The following NOP14 variants were observed in gnomAD, a reference collection of about 807,000 sequenced individuals.
NOP14 encodes the protein NOP14 nucleolar protein, also known as nucleolar protein 14.
In NOP14, 57 loss-of-function variants were observed where a neutral mutation model predicts 101.6. The observed-to-expected ratio is 0.56, with a 90% CI of 0.45 to 0.70. NOP14 has a LOEUF of 0.70. NOP14 is among the 30% of genes least tolerant of loss of function. The probability of loss-of-function intolerance (pLI) is 0.00; values close to 1 mark genes in which losing one functional copy is unlikely to be tolerated. For synonymous variants in NOP14, 428 were observed against 424.0 expected (o/e 1.01, Z -0.12); for missense variants, 1,134 against 1,075.5 (o/e 1.05, Z -0.76).
rs926374357 is a variant in NOP14, at chr4:2,943,975, A to G, written c.1891+98T>C. 5 of 992,822 alleles carry G rather than the reference A, an allele frequency of 5.0e-6. No individual in the cohort carries two copies. The African/African-American group carries it at 6.5e-5, about 13-fold the overall frequency. 61.5% of individuals were successfully genotyped at this position (992,822 alleles called of 1,614,324 possible). A position where few individuals can be genotyped will look rare whatever the true frequency, so the allele number is the denominator to read the frequency against. ...GGGTGGCAGGTTGTGTGTTTCCTCTACTTTCGCATATTCTAAACTTTCTAC... is the reference window on the plus strand; with the variant it reads ...GGGTGGCAGGTTGTGTGTTTCCTCTGCTTTCGCATATTCTAAACTTTCTAC... On this transcript the variant is annotated intron_variant, in intron 13 of 17. Transcript: ENST00000416614.
chr4:2,959,971 C>CT lies in NOP14; in HGVS notation c.196-2232dup, dbSNP rs140387036. The stretch of plus-strand genomic sequence containing the variant: ...GGCTGCTTGCATGCTACACTGAGAC[C>CT]TTTTTTTTTTTTTTTAAAGATGGAA... On this transcript the variant is annotated intron_variant, in intron 1 of 17. Transcript: ENST00000416614. Among the ~76,000 whole-genome samples, 189 of 145,646 alleles carry CT rather than the reference C, an allele frequency of 1.3e-3. 1 individual carries two copies. The highest frequency in any genetic ancestry group is 3.6e-3 in the Middle Eastern group (1 of 278).
chr4:2,938,123 G>T lies in NOP14; in HGVS notation c.*708C>A. The T allele has an allele frequency of 9.0e-7, 1 of 1,114,358 alleles. No individual in the cohort carries two copies. 69.0% of individuals were successfully genotyped at this position (1,114,358 alleles called of 1,614,324 possible). A position where few individuals can be genotyped will look rare whatever the true frequency, so the allele number is the denominator to read the frequency against. On this transcript the variant is annotated 3_prime_UTR_variant, in exon 18 of 18. Coordinates refer to ENST00000416614, the MANE Select transcript of NOP14 (RefSeq NM_001291978.2). ...TCCCGATCCCAGAGGTGCATTTCAG[G>T]ATTCATTCTATTTCATCAGGTGACG...
chr4:2,947,324 A>AC (rs1323906122), intron 10 of NOP14: 1 of 588,790 alleles, frequency 1.7e-6, no homozygotes, highest in African/African-American at 1.9e-5. Flanking sequence ...TCCCAGCTCT[A>AC]CAGTGGCTGG....
At chr4:2,960,743 T>C (rs1364054912) in intron 1 of NOP14, among the ~76,000 whole-genome samples, 1 of 132,832 alleles carries the variant, frequency 7.5e-6, no homozygotes, top group Admixed American at 7.7e-5. Context: ...TATTAATATA[T>C]TAATATTATA....
At chr4:2,949,082 A>G (rs976949641) in intron 8 of NOP14, among the ~76,000 whole-genome samples, 1 of 152,240 alleles carries the variant, frequency 6.6e-6, no homozygotes, top group African/African-American at 2.4e-5. Context: ...AAGCAGTGTC[A>G]GCTCAGGAGA....
chr4:2,957,850 A>G, intron 1 of NOP14, 110 bp from the exon 2 acceptor site: 1 of 1,094,314 alleles, frequency 9.1e-7, no homozygotes, highest in African/African-American at 1.6e-5. Flanking sequence ...AGTGATGTCA[A>G]AGTTCACACC....
intron 15 of NOP14, 117 bp from the exon 16 acceptor site, chr4:2,939,762 G>A (rs1012226984): frequency 3.8e-5 from 30 of 798,816 alleles, no homozygotes; most frequent in Non-Finnish European, 6.1e-5. Context: ...GCTCCCTGCA[G>A]CAGGATGGTG....
chr4:2,942,385 T>A, intron 13 of NOP14, 34 bp from the exon 14 acceptor site: 1 of 1,596,762 alleles, frequency 6.3e-7, no homozygotes, highest in Non-Finnish European at 8.6e-7. Context: ...AGAGATGGCC[T>A]GAACATTACT....
Position 2,957,661 on chromosome 4 carries a change from T to C in NOP14, c.275A>G (p.Asn92Ser), listed in dbSNP as rs1715443141. Reference protein sequence around the residue: ...VFRDKRFGEYNSNMSPEEKMM... With the variant: ...VFRDKRFGEYSSNMSPEEKMM... ...CTTCTCCTCGGGGCTCATGTTGCTGTTGTATTCTCCGAAGCGTTTATCTCT... is the reference window on the plus strand; with the variant it reads ...CTTCTCCTCGGGGCTCATGTTGCTGCTGTATTCTCCGAAGCGTTTATCTCT... Residue 92 changes from asparagine to serine, a missense_variant, in exon 2 of 18, where the codon AAC (asparagine) becomes AGC (serine). Asn to Ser is a conservative substitution (Grantham distance 46, BLOSUM62 1). Transcript: ENST00000416614. The C allele has an allele frequency of 1.2e-6, 2 of 1,614,108 alleles. No homozygotes were observed. Among genetic ancestry groups the C allele is most frequent in the African/African-American group, 2.7e-5 (2 of 74,938 alleles).
chr4:2,939,207 G>A lies in NOP14; in HGVS notation c.2455C>T (p.Leu819Phe). 6.2e-7 allele frequency: 1 copy of A among 1,614,000 alleles called. No individual in the cohort carries two copies. The highest frequency in any genetic ancestry group is 8.5e-7 in the Non-Finnish European group (1 of 1,180,038). Residue 819 changes from leucine to phenylalanine, a missense_variant, in exon 17 of 18, where the codon CTC (leucine) becomes TTC (phenylalanine). By Grantham distance (22) the Leu-to-Phe change is conservative (BLOSUM62 0). Coordinates refer to ENST00000416614, the MANE Select transcript of NOP14 (RefSeq NM_001291978.2). ...CCTCACCGTTCCATGATTTCTGAGA[G>A]TTGCATCCTCGCCAGGAACTGATTG... ...KDNQFLARMQ[L>F]SEIMERDAER...
At chr4:2,955,776 C>T (rs1715308861) in intron 3 of NOP14, among the ~76,000 whole-genome samples, 1 of 152,258 alleles carries the variant, frequency 6.6e-6, no homozygotes, top group Admixed American at 6.5e-5. Context: ...ACTGGCCATT[C>T]TCTTCACGCC....
chr4:2,961,155 A>T (rs1715831948), intron 1 of NOP14, among the ~76,000 whole-genome samples: 1 of 86,002 alleles, frequency 1.2e-5, no homozygotes, highest in Non-Finnish European at 2.4e-5. Flanking sequence ...TAATATAATA[A>T]TATATTAATA....
At chr4:2,952,573 G>A (rs1363658023) in intron 5 of NOP14, among the ~76,000 whole-genome samples, 176 bp from the exon 6 acceptor site, 1 of 152,158 alleles carries the variant, frequency 6.6e-6, no homozygotes, top group African/African-American at 2.4e-5. Context: ...TAAGCCCTGA[G>A]GATTGCGAAA....
Position 2,945,117 on chromosome 4 carries a change from A to G in NOP14, c.1737+11T>C. 6.4e-7 allele frequency: 1 copy of G among 1,567,934 alleles called. No individual in the cohort carries two copies. The highest frequency in any genetic ancestry group is 8.7e-7 in the Non-Finnish European group (1 of 1,154,350). On this transcript the variant is annotated intron_variant, in intron 12 of 17. Coordinates refer to ENST00000416614, the MANE Select transcript of NOP14 (RefSeq NM_001291978.2). ...GCAGGCCGACCCCTGCCGCATGTGG[A>G]GAGAACGCACCTTGGTGAGCAGCTG...
In NOP14 at chr4:2,938,373, A is replaced by C. The variant is rs1441919646; in HGVS notation, c.*458T>G. 2.3e-6 allele frequency: 1 copy of C among 427,614 alleles called. No homozygotes were observed. The highest frequency in any genetic ancestry group is 4.4e-6 in the Non-Finnish European group (1 of 227,232). The allele number at this position is 427,614 out of a possible 1,614,324, so 26.5% of individuals were successfully genotyped here. On this transcript the variant is annotated 3_prime_UTR_variant, in exon 18 of 18. Coordinates refer to ENST00000416614, the MANE Select transcript of NOP14 (RefSeq NM_001291978.2). ...CCGTCTCTACTAAAAATACAAAATT[A>C]GCTGGGCGTGGTGGCACATGTCTGT...
At chr4:2,956,540 G>T in intron 3 of NOP14, 130 bp downstream of exon 3, 1 of 849,348 alleles carries the variant, frequency 1.2e-6, no homozygotes, top group South Asian at 2.7e-5. Flanking sequence ...AATTTGTAGA[G>T]AGGTTAATGA....
intron 15 of NOP14, 44 bp downstream of exon 15, chr4:2,941,536 CAT>C: frequency 6.3e-7 from 1 of 1,587,266 alleles, no homozygotes; most frequent in Non-Finnish European, 8.6e-7. Context: ...AGCTCAGGGA[CAT>C]GTCTGAGCCC....
rs200191345 is a variant in NOP14, at chr4:2,952,348, G to A, written c.797C>T (p.Ala266Val). ...CGTCTTCATCCTGTTAGAGGGCTGC[G>A]CCTTCATTTCAAAGCCAAGCTCGCG... ...MVRELGFEMK[A>V]QPSNRMKTEA... is the part of the protein sequence containing the mutation. Residue 266 changes from alanine to valine, a missense_variant, in exon 6 of 18, where the codon GCG (alanine) becomes GTG (valine). Transcript: ENST00000416614. 5.5e-5 allele frequency: 89 copies of A among 1,613,250 alleles called. No homozygotes were observed. The highest frequency in any genetic ancestry group is 7.0e-5 in the Non-Finnish European group (83 of 1,179,506).
rs755401549 is a variant in NOP14 at position 2,950,098 on chromosome 4, C to G, written c.1118G>C (p.Ser373Thr). Reference sequence around the variant, plus strand: ...GTCCAAGTGGCTATCTGGGCTGTCGCTCTCCTCTGTGTCCTCCCCGCCTGA... The same window carrying G: ...GTCCAAGTGGCTATCTGGGCTGTCGGTCTCCTCTGTGTCCTCCCCGCCTGA... ...DSSGGEDTEE[S>T]DSPDSHLDLE... The change falls in exon 8 of 18, where the codon AGC (serine) becomes ACC (threonine). Residue 373 changes from serine (S) to threonine (T), a missense_variant. Transcript: ENST00000416614. 1 of 1,614,110 alleles carries G rather than the reference C, an allele frequency of 6.2e-7. No homozygotes were observed. Among genetic ancestry groups the G allele is most frequent in the South Asian group, 1.1e-5 (1 of 91,078 alleles).
Sources: allele counts gnomAD v4.1 joint callset (sites outside exome capture counted in the v4.1 genomes callset), GRCh38; gene constraint gnomAD v4.1.1; transcripts MANE v1.5; gene names NCBI Gene and HGNC (gene_info 2026-07-23, HGNC 2026-07-21).